Variants in HECTD4 observed in about 807,000 individuals in gnomAD.
HECTD4 encodes the protein HECT domain E3 ubiquitin protein ligase 4.
Under a neutral mutation model 471.5 loss-of-function variants are expected in HECTD4, and 114 were observed. That is an observed-to-expected ratio of 0.24 (90% CI 0.21 to 0.28). The LOEUF is 0.28. Among genes scored for constraint, HECTD4 ranks in the 10% least tolerant of loss-of-function variants. The pLI, the probability that HECTD4 is intolerant of heterozygous loss-of-function variation, is 1.00. For missense variants in HECTD4, 3,866 were observed against 5,651.5 expected (o/e 0.68, Z 10.13); for synonymous variants, 2,012 against 2,256.0 (o/e 0.89, Z 3.07).
chr12:112,185,405 G>A lies in HECTD4; in HGVS notation c.9561C>T (p.Thr3187=). 1 of 1,611,046 alleles carries A rather than the reference G, an allele frequency of 6.2e-7. No homozygotes were observed. The highest frequency in any genetic ancestry group is 1.3e-5 in the African/African-American group (1 of 74,978). ...LLAELLRTVH[T]LEQRRHPAGL... is the part of the protein sequence containing the mutation. ...CAGCGGGGTGCCGCCTCTGCTCCAGGGTGTGCACCGTGCGCAGGAGCTCTG... is the reference window on the plus strand; with the variant it reads ...CAGCGGGGTGCCGCCTCTGCTCCAGAGTGTGCACCGTGCGCAGGAGCTCTG... Residue 3187 remains threonine, a synonymous_variant, in exon 61 of 76, where the codon ACC becomes ACT. Transcript: ENST00000682272.
At chr12:112,266,807 G>A in intron 14 of HECTD4, 105 bp downstream of exon 14, 1 of 707,826 alleles carries the variant, frequency 1.4e-6, no homozygotes, top group South Asian at 1.6e-5. Flanking sequence ...TAAATATGCT[G>A]ACTAACATAC....
intron 1 of HECTD4, among the ~76,000 whole-genome samples, chr12:112,375,080 C>T (rs987640755): frequency 3.9e-5 from 6 of 152,204 alleles, no homozygotes; most frequent in Admixed American, 2.6e-4. Flanking sequence ...CTCATCCTTT[C>T]CTGCCTGCCT....
Position 112,179,436 on chromosome 12 carries a change from A to G in HECTD4, c.10988-39T>C, listed in dbSNP as rs2031582401. On this transcript the variant is annotated intron_variant, in intron 62 of 75. Coordinates refer to ENST00000682272, the MANE Select transcript of HECTD4 (RefSeq NM_001388303.1). The surrounding 1 kb of genome is among the most constrained non-coding windows in gnomAD (Gnocchi z 4.3). ...AGGGGGCAAAACAATTCTGCCGTGA[A>G]CATGCATCGGGACAAGCCCTGCGAG... 1 of 1,533,568 alleles carries G rather than the reference A, an allele frequency of 6.5e-7. No homozygotes were observed. Among genetic ancestry groups the G allele is most frequent in the Non-Finnish European group, 8.9e-7 (1 of 1,119,930 alleles). The allele number at this position is 1,533,568 out of a possible 1,614,324, so 95.0% of individuals were successfully genotyped here.
At chr12:112,273,849 A>T in intron 10 of HECTD4, 54 bp from the exon 11 acceptor site, 1 of 1,589,698 alleles carries the variant, frequency 6.3e-7, no homozygotes, top group Non-Finnish European at 8.6e-7. Context: ...ACCTGTATAC[A>T]TATTTCTCAC....
rs142382140 is a variant in HECTD4, at chr12:112,226,778, C to T, written c.6855-20G>A. On this transcript the variant is annotated intron_variant, in intron 43 of 75. Coordinates refer to ENST00000682272, the MANE Select transcript of HECTD4 (RefSeq NM_001388303.1). ...CATGCTCTTAATGTTAAAAGATTTA[C>T]AATATTTCAAAGTCATCAGTGTTCA... The T allele has an allele frequency of 6.2e-3, 9,652 of 1,544,718 alleles. 58 individuals are homozygous for T. Among genetic ancestry groups the T allele is most frequent in the Non-Finnish European group, 6.2e-3 (6,980 of 1,123,696 alleles).
At chr12:112,369,537 G>T (rs950978473) in intron 1 of HECTD4, among the ~76,000 whole-genome samples, 2 of 151,778 alleles carry the variant, frequency 1.3e-5, no homozygotes, top group Non-Finnish European at 2.9e-5. Flanking sequence ...TAGAGATGGG[G>T]TTTTCCCATG....
At chr12:112,368,684 G>A (rs939458092) in intron 1 of HECTD4, among the ~76,000 whole-genome samples, 1 of 152,100 alleles carries the variant, frequency 6.6e-6, no homozygotes, top group African/African-American at 2.4e-5. Flanking sequence ...ATGAGCTGAA[G>A]AAGCAAATAA....
intron 37 of HECTD4, among the ~76,000 whole-genome samples, chr12:112,233,756 C>T (rs1214227915): frequency 1.3e-5 from 2 of 152,064 alleles, no homozygotes; most frequent in Non-Finnish European, 2.9e-5. Flanking sequence ...GGAACTTTAA[C>T]GACACCATAG....
intron 17 of HECTD4, among the ~76,000 whole-genome samples, chr12:112,262,818 T>C (rs1245312066): frequency 6.6e-6 from 1 of 152,144 alleles, no homozygotes; most frequent in Non-Finnish European, 1.5e-5. Flanking sequence ...GGTTTCACCA[T>C]GTTGGCCAGG....
intron 7 of HECTD4, among the ~76,000 whole-genome samples, chr12:112,290,356 C>T (rs2135655021): frequency 6.6e-6 from 1 of 152,022 alleles, no homozygotes; most frequent in South Asian, 2.1e-4. Flanking sequence ...ATCATAGGCT[C>T]TAGAAAATAA....
intron 64 of HECTD4, among the ~76,000 whole-genome samples, chr12:112,177,269 T>G (rs932412344): frequency 1.3e-5 from 2 of 152,204 alleles, no homozygotes; most frequent in African/African-American, 4.8e-5. Flanking sequence ...CTGGGTAATA[T>G]TTTGCTATCA....
chr12:112,168,811 G>A (rs1273633299), intron 70 of HECTD4, among the ~76,000 whole-genome samples: 1 of 152,202 alleles, frequency 6.6e-6, no homozygotes, highest in Admixed American at 6.5e-5. Context: ...TCGCTGCTGT[G>A]GGAAGGATAA....
chr12:112,210,749 C>T (rs2032738648), intron 49 of HECTD4, among the ~76,000 whole-genome samples: 1 of 152,232 alleles, frequency 6.6e-6, no homozygotes, highest in Non-Finnish European at 1.5e-5. Flanking sequence ...TGATTACATA[C>T]ATACACATGC....
Position 112,300,916 on chromosome 12 carries a change from G to A in HECTD4, c.1335+5148C>T, listed in dbSNP as rs534590676. Reference sequence around the variant, plus strand: ...TCTTTTTTTTTTGAGATGGAGCCTCGCTGTGTCGCCCAGGCTAGAGTGCAG... The same window carrying A: ...TCTTTTTTTTTTGAGATGGAGCCTCACTGTGTCGCCCAGGCTAGAGTGCAG... On this transcript the variant is annotated intron_variant, in intron 7 of 75. Coordinates refer to ENST00000682272, the MANE Select transcript of HECTD4 (RefSeq NM_001388303.1). Among the ~76,000 whole-genome samples the A allele has an allele frequency of 7.3e-5, 11 of 150,582 alleles. No homozygotes were observed. In the South Asian group the frequency reaches 1.1e-3, roughly 14 times the overall value.
intron 20 of HECTD4, among the ~76,000 whole-genome samples, chr12:112,258,203 A>C (rs1593983344): frequency 1.3e-5 from 2 of 152,126 alleles, no homozygotes; most frequent in Non-Finnish European, 2.9e-5. Flanking sequence ...AAAAAAAAAA[A>C]AGAAACAGCC....
chr12:112,172,825 G>A lies in HECTD4; in HGVS notation c.11631C>T (p.Ala3877=). ...CCATCTCCAGGGTCCACTTTCTTGA[G>A]GCCTTCTGTGCATGTCGGACATCGA... The part of the protein sequence containing the change: ...ACIDVRHAQK[A]SRKWTLEMDV... Residue 3877 remains alanine, a synonymous_variant, in exon 67 of 76, where the codon GCC becomes GCT. Coordinates refer to ENST00000682272, the MANE Select transcript of HECTD4 (RefSeq NM_001388303.1). The A allele has an allele frequency of 6.2e-7, 1 of 1,614,008 alleles. No homozygotes were observed. Among genetic ancestry groups the A allele is most frequent in the Non-Finnish European group, 8.5e-7 (1 of 1,179,898 alleles).
At chr12:112,362,983 T>G (rs1375845934) in intron 1 of HECTD4, among the ~76,000 whole-genome samples, 3 of 152,206 alleles carry the variant, frequency 2.0e-5, no homozygotes, top group Non-Finnish European at 2.9e-5. Context: ...ATTACAGGCA[T>G]GAGCCACTGC....
chr12:112,353,447 AAGTC>A (rs1317815768), intron 1 of HECTD4, among the ~76,000 whole-genome samples: 1 of 152,234 alleles, frequency 6.6e-6, no homozygotes, highest in Non-Finnish European at 1.5e-5. Flanking sequence ...TTACTAAAAA[AAGTC>A]AGCTTCGTAT....
In HECTD4 at chr12:112,190,877, C is replaced by T. The variant is rs1307051008; in HGVS notation, c.9381G>A (p.Leu3127=). ...PLAMAFAEQL[L]SWKSEDSEGK... ...CTTCACTGTCCTCTGATTTCCAGGA[C>T]AGCAGCTGCTCTGCGAAGGCCATAG... Residue 3127 remains leucine, a synonymous_variant, in exon 60 of 76, where the codon CTG becomes CTA. Transcript: ENST00000682272. 1 of 1,579,594 alleles carries T rather than the reference C, an allele frequency of 6.3e-7. No homozygotes were observed. Among genetic ancestry groups the T allele is most frequent in the Admixed American group, 1.8e-5 (1 of 55,038 alleles).
Sources: allele counts gnomAD v4.1 joint callset (sites outside exome capture counted in the v4.1 genomes callset), GRCh38; gene constraint gnomAD v4.1.1; non-coding constraint Gnocchi (gnomAD v3.1); transcripts MANE v1.5; gene names NCBI Gene and HGNC (gene_info 2026-07-23, HGNC 2026-07-21).